MTHFD2L: variants seen among roughly 807,000 people sequenced by gnomAD.
MTHFD2L encodes the protein bifunctional methylenetetrahydrofolate dehydrogenase/cyclohydrolase 2, mitochondrial.
A neutral mutation model predicts 34.9 loss-of-function variants in MTHFD2L; 29 were observed. The observed-to-expected ratio is 0.83, with a 90% CI of 0.62 to 1.13. MTHFD2L has a LOEUF of 1.13. Ranked by LOEUF, MTHFD2L falls within the 50% of genes most tolerant of loss-of-function variation. The probability of loss-of-function intolerance (pLI) is 0.00; values close to 1 mark genes in which losing one functional copy is unlikely to be tolerated. For missense variants in MTHFD2L, 481 were observed against 446.5 expected, an observed-to-expected ratio of 1.08 and a Z score of -0.70; for synonymous variants, 167 against 155.7, an observed-to-expected ratio of 1.07 and a Z score of -0.54.
At chr4:74,168,346 G>A (rs896999219) in intron 1 of MTHFD2L, among the ~76,000 whole-genome samples, 3 of 152,056 alleles carry the variant, frequency 2.0e-5, no homozygotes, top group African/African-American at 7.3e-5. Context: ...CTCCATACTT[G>A]TTCTTCCCTT....
intron 1 of MTHFD2L, among the ~76,000 whole-genome samples, chr4:74,132,325 T>C (rs368714375): frequency 5.3e-5 from 8 of 152,104 alleles, no homozygotes; most frequent in East Asian, 3.9e-4. Context: ...ATAGCAAAGA[T>C]GTCAAACCAA....
intron 6 of MTHFD2L, among the ~76,000 whole-genome samples, chr4:74,270,741 G>A (rs1228631624): frequency 3.3e-5 from 5 of 152,178 alleles, no homozygotes; most frequent in African/African-American, 9.7e-5. Context: ...CTGAGGAATA[G>A]CCACACTGTC....
In MTHFD2L at chr4:74,168,952, A is replaced by G. The variant is rs114096459; in HGVS notation, c.144-5554A>G. ...GTGAGTTGACTAGTTCTTCCAGCACATGGACCAATACAGGCACTCTCTCAT... is the reference window on the plus strand; with the variant it reads ...GTGAGTTGACTAGTTCTTCCAGCACGTGGACCAATACAGGCACTCTCTCAT... On this transcript the variant is annotated intron_variant, in intron 1 of 7. Coordinates refer to ENST00000325278, the MANE Select transcript of MTHFD2L (RefSeq NM_001144978.3). 5.7e-3 allele frequency among the ~76,000 whole-genome samples: 870 copies of G among 152,342 alleles called. 7 individuals carry two copies. Among genetic ancestry groups the G allele is most frequent in the African/African-American group, 0.02 (836 of 41,586 alleles).
upstream of MTHFD2L, among the ~76,000 whole-genome samples, chr4:74,154,175 T>C (rs1029394772): frequency 2.0e-5 from 3 of 152,186 alleles, no homozygotes; most frequent in African/African-American, 4.8e-5. Context: ...TGCAGGAAGA[T>C]TGCAGAGGTA....
At chr4:74,267,770 G>A in intron 6 of MTHFD2L, 1 of 985,344 alleles carries the variant, frequency 1.0e-6, no homozygotes. Flanking sequence ...GCACACATTT[G>A]GACCCCACAG....
At chr4:74,203,840 T>C (rs540343152) in intron 5 of MTHFD2L, among the ~76,000 whole-genome samples, 1 of 152,082 alleles carries the variant, frequency 6.6e-6, no homozygotes, top group African/African-American at 2.4e-5. Flanking sequence ...CAATCAGTAA[T>C]GTTTACCTAA....
At chr4:74,249,582 T>C (rs190012271) in intron 6 of MTHFD2L, among the ~76,000 whole-genome samples, 4 of 152,342 alleles carry the variant, frequency 2.6e-5, no homozygotes, top group Admixed American at 2.6e-4. Flanking sequence ...ATCTTGATGG[T>C]CTTTACATTT....
At chr4:74,196,462 A>C (rs1325216837) in intron 3 of MTHFD2L, among the ~76,000 whole-genome samples, 2 of 152,168 alleles carry the variant, frequency 1.3e-5, no homozygotes, top group African/African-American at 2.4e-5. Context: ...AAATAAGCTA[A>C]AGGACACAAT....
At chr4:74,278,982 A>G (rs1034598745) in intron 6 of MTHFD2L, among the ~76,000 whole-genome samples, 4 of 152,088 alleles carry the variant, frequency 2.6e-5, no homozygotes, top group African/African-American at 9.7e-5. Context: ...CTATGACTCT[A>G]CCAATAGATG....
At chr4:74,175,721 T>G (rs909723098) in intron 3 of MTHFD2L, among the ~76,000 whole-genome samples, 1 of 152,100 alleles carries the variant, frequency 6.6e-6, no homozygotes, top group African/African-American at 2.4e-5. Flanking sequence ...ACAATTTTTC[T>G]GTGGCCTTTA....
upstream of MTHFD2L, chr4:74,157,815 C>T (rs1484941981): frequency 5.6e-6 from 3 of 539,162 alleles, no homozygotes; most frequent in Non-Finnish European, 1.1e-5. Flanking sequence ...TGGAGGCCTT[C>T]TCTGTGCCGT....
Position 74,267,973 on chromosome 4 carries a change from G to A in MTHFD2L, c.806-13452G>A, listed in dbSNP as rs1208971672. ...TGGTACCACAAGGAATAGAAGCTTT[G>A]GGGGCATTCAGATATTGTCCTTGGC... On this transcript the variant is annotated intron_variant, in intron 6 of 7. Transcript: ENST00000325278. 4.1e-6 allele frequency: 4 copies of A among 985,130 alleles called. No individual in the cohort carries two copies. The African/African-American group carries it at 7.0e-5, about 17-fold the overall frequency. The allele number at this position is 985,130 out of a possible 1,614,324, so 61.0% of individuals were successfully genotyped here.
chr4:74,298,204 G>A (rs559973016), intron 7 of MTHFD2L, among the ~76,000 whole-genome samples: 1 of 151,966 alleles, frequency 6.6e-6, no homozygotes, highest in African/African-American at 2.4e-5. Flanking sequence ...TAATAACCAG[G>A]TGTGTTTACA....
upstream of MTHFD2L, chr4:74,123,520 A>C (rs1045733442): frequency 2.0e-5 from 3 of 152,126 alleles, no homozygotes; most frequent in Non-Finnish European, 4.4e-5. Flanking sequence ...TGCTTATTAA[A>C]ACAAAAAAAA....
At chr4:74,293,836 G>C (rs774167686) in intron 7 of MTHFD2L, among the ~76,000 whole-genome samples, 4 of 152,144 alleles carry the variant, frequency 2.6e-5, no homozygotes, top group Non-Finnish European at 5.9e-5. Flanking sequence ...TCATTAGAGT[G>C]GATGTTTGAG....
chr4:74,243,000 A>G (rs914961527), intron 6 of MTHFD2L, among the ~76,000 whole-genome samples: 1 of 152,242 alleles, frequency 6.6e-6, no homozygotes, highest in South Asian at 2.1e-4. Context: ...AATAGACACT[A>G]ATCAAATGAC....
At chr4:74,272,868 A>G (rs957793383) in intron 6 of MTHFD2L, among the ~76,000 whole-genome samples, 8 of 152,058 alleles carry the variant, frequency 5.3e-5, no homozygotes, top group African/African-American at 1.7e-4. Context: ...GTGTCAAATA[A>G]CCTATCCTTG....
At chr4:74,275,548 T>C (rs542365203) in intron 6 of MTHFD2L, among the ~76,000 whole-genome samples, 1 of 152,292 alleles carries the variant, frequency 6.6e-6, no homozygotes, top group Non-Finnish European at 1.5e-5. Flanking sequence ...GTTGAACTAA[T>C]TTATATTCCC....
At chr4:74,212,848 TA>T (rs1736568268) in intron 5 of MTHFD2L, among the ~76,000 whole-genome samples, 1 of 152,304 alleles carries the variant, frequency 6.6e-6, no homozygotes, top group South Asian at 2.1e-4. Context: ...TGTAGGTCTC[TA>T]AAAACTTGCT....
Sources: gnomAD v4.1 joint callset for allele counts (sites outside exome capture counted in the v4.1 genomes callset) on GRCh38, gnomAD v4.1.1 for gene constraint, MANE v1.5 for transcripts, NCBI Gene and HGNC (gene_info 2026-07-23, HGNC 2026-07-21) for gene names.